KPNA4: variants seen among roughly 807,000 people sequenced by gnomAD.
The protein encoded by KPNA4 is karyopherin subunit alpha 4.
A neutral mutation model predicts 71.3 loss-of-function variants in KPNA4; 13 were observed. The ratio of observed to expected loss-of-function variants is 0.18; its 90% CI spans 0.12 to 0.29. The LOEUF is 0.29. Ranked by LOEUF, KPNA4 falls within the 10% of genes least tolerant of loss-of-function variation. The pLI is 1.00. For synonymous variants in KPNA4, 189 were observed against 195.2 expected (o/e 0.97, Z 0.26); for missense variants, 334 against 603.2 (o/e 0.55, Z 4.67).
chr3:160,508,025 A>T, intron 15 of KPNA4, 82 bp downstream of exon 15: 2 of 1,040,602 alleles, frequency 1.9e-6, no homozygotes, highest in Non-Finnish European at 2.8e-6. Context: ...AGAAAAATAT[A>T]GATGTGCTAT....
chr3:160,519,444 CTGAA>C (rs1204697652), intron 11 of KPNA4, among the ~76,000 whole-genome samples: 3 of 152,114 alleles, frequency 2.0e-5, no homozygotes, highest in Non-Finnish European at 4.4e-5. Context: ...CAGATACTGA[CTGAA>C]TATTTAACAT....
intron 1 of KPNA4, among the ~76,000 whole-genome samples, chr3:160,537,784 C>T (rs891216442): frequency 2.6e-5 from 4 of 151,748 alleles, no homozygotes; most frequent in Non-Finnish European, 5.9e-5. Flanking sequence ...TTATTTTTCT[C>T]TCACATTACA....
At position 160,536,825 on chromosome 3, in the gene KPNA4, G is replaced by T. The variant is rs1471168174; in HGVS notation, c.85C>A (p.Arg29=). ...GRDLETMRRQ[R]NEVVVELRKN... ...CTTAATTCAACTACAACTTCATTTC[G>T]TTGTCTTCTCATAGTCTACAAAAAA... The change falls in exon 2 of 17, where the codon CGA becomes AGA. Residue 29 remains arginine (R), a synonymous_variant. Transcript: ENST00000334256. 2 of 1,577,606 alleles carry T rather than the reference G, an allele frequency of 1.3e-6. No individual in the cohort carries two copies. The highest frequency in any genetic ancestry group is 1.7e-6 in the Non-Finnish European group (2 of 1,151,332).
At chr3:160,534,088 T>C (rs1721631638) in intron 5 of KPNA4, among the ~76,000 whole-genome samples, 1 of 152,238 alleles carries the variant, frequency 6.6e-6, no homozygotes, top group South Asian at 2.1e-4. Context: ...ATAACTTCCC[T>C]ATCAGTTCTA....
At chr3:160,531,918 G>C (rs1330681082) in intron 5 of KPNA4, among the ~76,000 whole-genome samples, 1 of 152,026 alleles carries the variant, frequency 6.6e-6, no homozygotes, top group Non-Finnish European at 1.5e-5. Flanking sequence ...TCAGTCTCCT[G>C]AGTAGCTGGG....
intron 1 of KPNA4, among the ~76,000 whole-genome samples, chr3:160,544,881 A>G (rs1721875003): frequency 6.6e-6 from 1 of 152,224 alleles, no homozygotes; most frequent in Non-Finnish European, 1.5e-5. Flanking sequence ...CTATGTTATA[A>G]GAACATAATA....
intron 1 of KPNA4, among the ~76,000 whole-genome samples, chr3:160,555,051 C>T (rs1722110083): frequency 6.6e-6 from 1 of 152,150 alleles, no homozygotes; most frequent in Non-Finnish European, 1.5e-5. Context: ...GGGACACTCC[C>T]ATGGGACTGA....
At chr3:160,551,809 A>T (rs1722044655) in intron 1 of KPNA4, among the ~76,000 whole-genome samples, 1 of 152,126 alleles carries the variant, frequency 6.6e-6, no homozygotes, top group South Asian at 2.1e-4. Flanking sequence ...CTGGGTTGAG[A>T]AGTGAAAACA....
At chr3:160,557,396 G>A (rs143827072) in intron 1 of KPNA4, among the ~76,000 whole-genome samples, 20 of 152,206 alleles carry the variant, frequency 1.3e-4, no homozygotes, top group African/African-American at 4.8e-4. Context: ...GCAAACTAAA[G>A]TTTTTATTAA....
intron 7 of KPNA4, among the ~76,000 whole-genome samples, chr3:160,528,888 T>C (rs1307035497): frequency 6.6e-6 from 1 of 152,238 alleles, no homozygotes; most frequent in African/African-American, 2.4e-5. Flanking sequence ...TTTAAGTATA[T>C]GTAGCTCAAT....
chr3:160,549,786 T>G, intron 1 of KPNA4, among the ~76,000 whole-genome samples: 1 of 152,218 alleles, frequency 6.6e-6, no homozygotes, highest in East Asian at 1.9e-4. Context: ...TTTCCATTTC[T>G]GTAAAAAATG....
intron 13 of KPNA4, among the ~76,000 whole-genome samples, chr3:160,513,170 G>C (rs1218203464): frequency 3.3e-5 from 5 of 150,750 alleles, no homozygotes; most frequent in African/African-American, 1.2e-4. Flanking sequence ...AGGAAACACA[G>C]AGAAACAGAT....
At chr3:160,557,127 T>C (rs1415382887) in intron 1 of KPNA4, among the ~76,000 whole-genome samples, 2 of 151,952 alleles carry the variant, frequency 1.3e-5, no homozygotes, top group African/African-American at 4.8e-5. Context: ...GAACAAGGAG[T>C]GATGTTAACA....
intron 13 of KPNA4, 123 bp downstream of exon 13, chr3:160,513,954 A>C: frequency 2.5e-6 from 1 of 407,316 alleles, no homozygotes; most frequent in South Asian, 4.0e-5. Flanking sequence ...ATATTACTTT[A>C]CTATATTTAT....
rs540741584 is a variant in KPNA4, at chr3:160,546,378, T to C, written c.70-9538A>G. Among the ~76,000 whole-genome samples, 20 of 151,896 alleles carry C rather than the reference T, an allele frequency of 1.3e-4. No individual in the cohort carries two copies. In the South Asian group the frequency reaches 3.5e-3, roughly 27 times the overall value. On this transcript the variant is annotated intron_variant, in intron 1 of 16. Transcript: ENST00000334256. ...ACTATAAACACAAAAATTAGCTAGG[T>C]GTGGAGGTGTATGCCTGTAGTCCCA...
rs971197386 is a variant in KPNA4 at position 160,501,355 on chromosome 3, C to T, written c.*749G>A. ...GGGAAGGAGGTGGGAAAGGGGGAAA[C>T]AGAAAACACAGGCTGCAGAGTAAAC... On this transcript the variant is annotated 3_prime_UTR_variant, in exon 17 of 17. Transcript: ENST00000334256. 3.3e-5 allele frequency: 5 copies of T among 151,422 alleles called. No homozygotes were observed. The highest frequency in any genetic ancestry group is 9.7e-5 in the African/African-American group (4 of 41,066). 9.4% of individuals were successfully genotyped at this position (151,422 alleles called of 1,614,324 possible).
intron 5 of KPNA4, among the ~76,000 whole-genome samples, chr3:160,535,310 T>C (rs1156402285): frequency 6.6e-6 from 1 of 152,162 alleles, no homozygotes; most frequent in East Asian, 1.9e-4. Flanking sequence ...CAACTAAAAA[T>C]AAAAATTGTT....
chr3:160,536,694 T>C (rs1721700999), intron 2 of KPNA4, 102 bp downstream of exon 2: 2 of 611,668 alleles, frequency 3.3e-6, no homozygotes, highest in South Asian at 6.8e-5. Flanking sequence ...CAATAGGTTA[T>C]ACATTTTACC....
At chr3:160,564,530 C>T (rs1047486949) in intron 1 of KPNA4, 5 of 152,260 alleles carry the variant, frequency 3.3e-5, no homozygotes, top group Middle Eastern at 3.4e-3. Flanking sequence ...CCGTGAGCCA[C>T]ATCTTGAATC....
Sources: allele counts gnomAD v4.1 joint callset (sites outside exome capture counted in the v4.1 genomes callset), GRCh38; gene constraint gnomAD v4.1.1; transcripts MANE v1.5; gene names NCBI Gene and HGNC (gene_info 2026-07-23, HGNC 2026-07-21).